The following NBEA variants were observed in gnomAD, a reference collection of about 807,000 sequenced individuals.
The protein encoded by NBEA is neurobeachin, also known as lysosomal-trafficking regulator 2.
Under a neutral mutation model 343.4 loss-of-function variants are expected in NBEA, and 44 were observed. The ratio of observed to expected loss-of-function variants is 0.13; its 90% confidence interval spans 0.10 to 0.16. The LOEUF (loss-of-function observed/expected upper bound fraction) is 0.16, where lower values mean the gene tolerates loss of function less well. Among genes scored for constraint, NBEA ranks in the 10% least tolerant of loss-of-function variants. NBEA has a pLI of 1.00. For synonymous variants in NBEA, 1,175 were observed against 1,238.7 expected (o/e 0.95, Z 1.08); for missense variants, 2,555 against 3,631.3 (o/e 0.70, Z 7.62).
chr13:35,193,950 T>C (rs1180656910), intron 30 of NBEA, among the ~76,000 whole-genome samples: 6 of 152,098 alleles, frequency 3.9e-5, no homozygotes, highest in Non-Finnish European at 8.8e-5. Context: ...GAATATTGAA[T>C]AATATGAGGA....
At chr13:35,459,114 T>A (rs1418145878) in intron 40 of NBEA, among the ~76,000 whole-genome samples, 1 of 147,496 alleles carries the variant, frequency 6.8e-6, no homozygotes, top group Non-Finnish European at 1.5e-5. Flanking sequence ...AAGGAGGAGA[T>A]CTACTAAAAG....
chr13:35,066,412 A>G (rs1387788431), intron 8 of NBEA, among the ~76,000 whole-genome samples: 2 of 152,100 alleles, frequency 1.3e-5, no homozygotes, highest in Non-Finnish European at 2.9e-5. Context: ...AACTATTATT[A>G]TTAAGTTGTG....
At chr13:35,507,607 G>A (rs544972959) in intron 41 of NBEA, among the ~76,000 whole-genome samples, 6 of 151,894 alleles carry the variant, frequency 4.0e-5, no homozygotes, top group Admixed American at 2.0e-4. Context: ...CCAGTTGTTC[G>A]AGCCAAAACC....
intron 32 of NBEA, among the ~76,000 whole-genome samples, chr13:35,210,116 A>G (rs1255053090): frequency 6.6e-6 from 1 of 152,112 alleles, no homozygotes; most frequent in African/African-American, 2.4e-5. Flanking sequence ...GCAAAATGAA[A>G]TCACCTTTTT....
At chr13:35,005,527 C>G (rs1342188677) in intron 1 of NBEA, among the ~76,000 whole-genome samples, 1 of 152,114 alleles carries the variant, frequency 6.6e-6, no homozygotes, top group Non-Finnish European at 1.5e-5. Flanking sequence ...AACTATCAGG[C>G]TAATTTGTTA....
At chr13:35,487,905 T>C (rs761161987) in intron 41 of NBEA, among the ~76,000 whole-genome samples, 4 of 151,890 alleles carry the variant, frequency 2.6e-5, no homozygotes, top group Non-Finnish European at 4.4e-5. Context: ...GCCTAGAAAG[T>C]ATTACTCCTA....
chr13:35,342,032 A>G (rs1044558633), intron 36 of NBEA, among the ~76,000 whole-genome samples: 5 of 152,090 alleles, frequency 3.3e-5, no homozygotes, highest in Non-Finnish European at 5.9e-5. Flanking sequence ...TTGTTCACCA[A>G]TAAAAAGGAA....
At chr13:35,414,541 C>A (rs1163693147) in intron 38 of NBEA, among the ~76,000 whole-genome samples, 1 of 152,230 alleles carries the variant, frequency 6.6e-6, no homozygotes, top group Middle Eastern at 3.4e-3. Flanking sequence ...TCATCCATGT[C>A]CCTACAAAGG....
At chr13:35,277,004 G>A (rs1307519764) in intron 34 of NBEA, among the ~76,000 whole-genome samples, 1 of 152,142 alleles carries the variant, frequency 6.6e-6, no homozygotes, top group Non-Finnish European at 1.5e-5. Context: ...GTAATGGAAA[G>A]CATGCATGCA....
chr13:34,970,394 A>G (rs181919107), intron 1 of NBEA, among the ~76,000 whole-genome samples: 29 of 150,706 alleles, frequency 1.9e-4, no homozygotes, highest in Admixed American at 7.9e-4. Context: ...AGAAGCTCTT[A>G]TTTGTCAATT....
chr13:35,260,025 A>G (rs186748114), intron 34 of NBEA, among the ~76,000 whole-genome samples: 62 of 152,352 alleles, frequency 4.1e-4, no homozygotes, highest in African/African-American at 1.3e-3. Context: ...TTATAATCCA[A>G]TATGAAGATA....
chr13:34,983,707 C>T (rs564923258), intron 1 of NBEA, among the ~76,000 whole-genome samples: 108 of 152,210 alleles, frequency 7.1e-4, no homozygotes, highest in African/African-American at 2.3e-3. Flanking sequence ...TTCTAATGAT[C>T]GCCATTCTAA....
chr13:35,329,908 C>T (rs982077501), intron 36 of NBEA, among the ~76,000 whole-genome samples: 1 of 151,982 alleles, frequency 6.6e-6, no homozygotes, highest in Non-Finnish European at 1.5e-5. Flanking sequence ...GCCTTCTTTA[C>T]TTCTCACACT....
At chr13:35,661,657 G>A (rs966258728) in intron 55 of NBEA, among the ~76,000 whole-genome samples, 5 of 152,124 alleles carry the variant, frequency 3.3e-5, no homozygotes, top group East Asian at 1.9e-4. Flanking sequence ...ACTCCTGACC[G>A]ATACCGCTCT....
intron 48 of NBEA, among the ~76,000 whole-genome samples, chr13:35,616,670 G>A: frequency 6.6e-6 from 1 of 152,160 alleles, no homozygotes; most frequent in South Asian, 2.1e-4. Context: ...CCCTCTTACT[G>A]TAAGAGAGAA....
intron 41 of NBEA, among the ~76,000 whole-genome samples, chr13:35,480,541 T>A (rs1163843854): frequency 6.6e-6 from 1 of 152,030 alleles, no homozygotes; most frequent in Non-Finnish European, 1.5e-5. Context: ...GAATTTAAAG[T>A]TTTATTTTTT....
At chr13:35,556,002 A>G (rs957639693) in intron 44 of NBEA, among the ~76,000 whole-genome samples, 2 of 152,040 alleles carry the variant, frequency 1.3e-5, no homozygotes, top group Admixed American at 6.5e-5. Context: ...TGCGGGTAAT[A>G]TAGATATGTA....
chr13:34,951,951 T>TAA (rs1949948045), intron 1 of NBEA, among the ~76,000 whole-genome samples: 1 of 152,232 alleles, frequency 6.6e-6, no homozygotes, highest in Non-Finnish European at 1.5e-5. Flanking sequence ...TAATAGCTCT[T>TAA]AACTATTTAC....
chr13:35,430,595 T>C (rs1243453386), intron 38 of NBEA, among the ~76,000 whole-genome samples: 1 of 152,172 alleles, frequency 6.6e-6, no homozygotes, highest in Non-Finnish European at 1.5e-5. Flanking sequence ...CAGAGTCTTC[T>C]TATGTTTGTT....
Sources: gnomAD v4.1 joint callset for allele counts (sites outside exome capture counted in the v4.1 genomes callset) on GRCh38, gnomAD v4.1.1 for gene constraint, MANE v1.5 for transcripts, NCBI Gene and HGNC (gene_info 2026-07-23, HGNC 2026-07-21) for gene names.